The following CNTNAP5 variants were observed in gnomAD, a reference collection of about 807,000 sequenced individuals.
CNTNAP5 encodes contactin associated protein family member 5.
A neutral mutation model predicts 150.2 loss-of-function variants in CNTNAP5; 72 were observed. The ratio of observed to expected loss-of-function variants is 0.48; its 90% CI spans 0.40 to 0.58. The LOEUF (loss-of-function observed/expected upper bound fraction) is 0.58. Among genes scored for constraint, CNTNAP5 ranks in the 20% least tolerant of loss-of-function variants. The pLI, the probability that CNTNAP5 is intolerant of heterozygous loss-of-function variation, is 0.00. For synonymous variants in CNTNAP5, 672 were observed against 619.8 expected (o/e 1.08, Z -1.25); for missense variants, 1,636 against 1,626.2 (o/e 1.01, Z -0.10).
At chr2:124,866,240 A>T (rs1020619084) in intron 20 of CNTNAP5, among the ~76,000 whole-genome samples, 12 of 152,138 alleles carry the variant, frequency 7.9e-5, no homozygotes, top group Non-Finnish European at 5.9e-5. Context: ...AGCCTGGGAG[A>T]CAGAGTGACT....
intron 3 of CNTNAP5, among the ~76,000 whole-genome samples, chr2:124,294,984 G>C (rs989564756): frequency 2.0e-5 from 3 of 151,976 alleles, no homozygotes; most frequent in Admixed American, 2.0e-4. Context: ...CGGGATTACA[G>C]GCACCCAGCT....
chr2:124,267,547 A>C (rs915356884), intron 3 of CNTNAP5, among the ~76,000 whole-genome samples: 3 of 152,138 alleles, frequency 2.0e-5, no homozygotes, highest in Non-Finnish European at 4.4e-5. Context: ...AGGAAGACTA[A>C]ATATATTAGT....
intron 9 of CNTNAP5, 48 bp downstream of exon 9, chr2:124,524,500 T>G: frequency 6.6e-7 from 1 of 1,520,904 alleles, no homozygotes; most frequent in Non-Finnish European, 8.9e-7. Context: ...GGAGGGAAAT[T>G]TAAGTGGGCA....
Position 124,900,599 on chromosome 2 carries a change from A to G in CNTNAP5, c.3437-2283A>G, listed in dbSNP as rs192083482. On this transcript the variant is annotated intron_variant, in intron 21 of 23. Transcript: ENST00000682447. Reference sequence around the variant, plus strand: ...TGCTGGCATTTCCCCCGACTTATCAATGTGCCTATTCTTACATCTGGAGTA... The same window carrying G: ...TGCTGGCATTTCCCCCGACTTATCAGTGTGCCTATTCTTACATCTGGAGTA... Among the ~76,000 whole-genome samples, 3 of 151,636 alleles carry G rather than the reference A, an allele frequency of 2.0e-5. No individual in the cohort carries two copies. The East Asian group carries it at 5.8e-4, about 29-fold the overall frequency.
intron 10 of CNTNAP5, among the ~76,000 whole-genome samples, chr2:124,557,923 T>G (rs908876797): frequency 6.6e-6 from 1 of 151,936 alleles, no homozygotes; most frequent in Non-Finnish European, 1.5e-5. Flanking sequence ...AAAGTCAACA[T>G]GGTTGGAGCA....
At chr2:124,482,387 A>C (rs991638161) in intron 7 of CNTNAP5, among the ~76,000 whole-genome samples, 28 of 152,204 alleles carry the variant, frequency 1.8e-4, no homozygotes, top group African/African-American at 6.5e-4. Context: ...GATATATATT[A>C]GTGGCTGTGC....
At chr2:124,472,430 A>C (rs1353138106) in intron 6 of CNTNAP5, among the ~76,000 whole-genome samples, 1 of 151,876 alleles carries the variant, frequency 6.6e-6, no homozygotes, top group Admixed American at 6.6e-5. Context: ...ACAAGTTTGT[A>C]TACCATTATT....
chr2:124,309,967 T>C (rs1688783265), intron 3 of CNTNAP5, among the ~76,000 whole-genome samples: 1 of 152,182 alleles, frequency 6.6e-6, no homozygotes, highest in South Asian at 2.1e-4. Context: ...TCAGCAAGCA[T>C]GTGCTTCCGT....
At chr2:124,337,890 G>GT (rs1553459464) in intron 3 of CNTNAP5, among the ~76,000 whole-genome samples, 2 of 152,086 alleles carry the variant, frequency 1.3e-5, no homozygotes, top group African/African-American at 2.4e-5. Context: ...CTTTAAAGTA[G>GT]TTTTTTCCAA....
At chr2:124,026,336 A>G (rs2104615520) in intron 1 of CNTNAP5, among the ~76,000 whole-genome samples, 1 of 152,316 alleles carries the variant, frequency 6.6e-6, no homozygotes, top group East Asian at 1.9e-4. Context: ...CTATTACAGG[A>G]GGAAGAGCTT....
chr2:124,546,112 C>A (rs1209551258), intron 10 of CNTNAP5, among the ~76,000 whole-genome samples: 1 of 151,986 alleles, frequency 6.6e-6, no homozygotes, highest in African/African-American at 2.4e-5. Flanking sequence ...ATCCAACACC[C>A]CAGTTGGATA....
intron 14 of CNTNAP5, among the ~76,000 whole-genome samples, chr2:124,756,744 C>A (rs1056409149): frequency 1.3e-5 from 2 of 151,922 alleles, no homozygotes; most frequent in South Asian, 4.1e-4. Flanking sequence ...GGGTGGGGAA[C>A]AACACACACT....
At chr2:124,233,771 T>C (rs1376975469) in intron 2 of CNTNAP5, among the ~76,000 whole-genome samples, 1 of 142,474 alleles carries the variant, frequency 7.0e-6, no homozygotes. Context: ...TCCATAGTTG[T>C]GATGCCTGTG....
intron 1 of CNTNAP5, among the ~76,000 whole-genome samples, chr2:124,101,239 TATAAC>T (rs1341446894): frequency 6.6e-6 from 1 of 152,180 alleles, no homozygotes; most frequent in Non-Finnish European, 1.5e-5. Flanking sequence ...ATATATTCCT[TATAAC>T]AAAATATGCC....
At chr2:124,165,875 T>C (rs1410851832) in intron 1 of CNTNAP5, among the ~76,000 whole-genome samples, 6 of 152,166 alleles carry the variant, frequency 3.9e-5, no homozygotes, top group African/African-American at 1.4e-4. Context: ...AACAAGTACA[T>C]GGAGCGGCGC....
At chr2:124,066,850 T>G (rs376625744) in intron 1 of CNTNAP5, among the ~76,000 whole-genome samples, 1 of 152,176 alleles carries the variant, frequency 6.6e-6, no homozygotes, top group Non-Finnish European at 1.5e-5. Context: ...AATATATCTA[T>G]ACATGTCAAC....
rs769387441 is a variant in CNTNAP5, at chr2:124,747,194, C to T, written c.2078-35C>T. 44 of 1,601,018 alleles carry T rather than the reference C, an allele frequency of 2.7e-5. No homozygotes were observed. The South Asian group carries it at 4.4e-4, about 16-fold the overall frequency. ...CATCCCCTGTGTTACTTCAGGCTTG[C>T]CCTACCCTGACTGGTGGAATATCTT... On this transcript the variant is annotated intron_variant, in intron 13 of 23. Coordinates refer to ENST00000682447, the MANE Select transcript of CNTNAP5 (RefSeq NM_001367498.1).
chr2:124,431,867 G>T (rs1326541570), intron 4 of CNTNAP5, among the ~76,000 whole-genome samples: 4 of 151,970 alleles, frequency 2.6e-5, no homozygotes, highest in African/African-American at 9.7e-5. Flanking sequence ...CTTAACCCCA[G>T]TCAGACACCT....
chr2:124,689,216 G>A lies in CNTNAP5; in HGVS notation c.2077+41258G>A, dbSNP rs949131595. ...CTGGGGATTCAGTGGTAAGACCAGA[G>A]CACTGCTCCTTGGAAACTCACAGTC... On this transcript the variant is annotated intron_variant, in intron 13 of 23. Transcript: ENST00000682447. Among the ~76,000 whole-genome samples the A allele has an allele frequency of 1.3e-5, 2 of 152,114 alleles. 1 individual carries two copies. The highest frequency in any genetic ancestry group is 4.1e-4 in the South Asian group (2 of 4,834).
Sources: gnomAD v4.1 joint callset for allele counts (sites outside exome capture counted in the v4.1 genomes callset) on GRCh38, gnomAD v4.1.1 for gene constraint, MANE v1.5 for transcripts, NCBI Gene and HGNC (gene_info 2026-07-23, HGNC 2026-07-21) for gene names.